RBM33: variants seen among roughly 807,000 people sequenced by gnomAD.
RBM33 encodes RNA-binding protein 33.
RBM33 carries 28 observed loss-of-function variants against 132.6 expected under a neutral mutation model. The observed-to-expected ratio is 0.21, with a 90% confidence interval of 0.16 to 0.29. RBM33 has a LOEUF of 0.29. RBM33 is among the 10% of genes least tolerant of loss of function. The pLI is 1.00. For missense variants in RBM33, 1,291 were observed against 1,518.5 expected (o/e 0.85, Z 2.49); for synonymous variants, 634 against 593.0 (o/e 1.07, Z -1.01).
At chr7:155,645,890 G>A (rs555061691) in intron 1 of RBM33, among the ~76,000 whole-genome samples, 100 of 152,288 alleles carry the variant, frequency 6.6e-4, no homozygotes, top group African/African-American at 2.4e-3. Flanking sequence ...TGGCCCAACT[G>A]TCAAAACGTT....
intron 2 of RBM33, among the ~76,000 whole-genome samples, chr7:155,671,387 C>G (rs1387610794): frequency 6.6e-6 from 1 of 152,178 alleles, no homozygotes; most frequent in Non-Finnish European, 1.5e-5. Context: ...ATTTCATGTC[C>G]TATCCTTGTT....
chr7:155,673,768 G>GCGCA (rs1554469952), intron 3 of RBM33, among the ~76,000 whole-genome samples: 2,546 of 132,966 alleles, frequency 0.019, 152 homozygotes, highest in African/African-American at 0.025. Flanking sequence ...GCGCATGCGC[G>GCGCA]CACACACACA....
At chr7:155,712,768 A>G (rs1200682450) in intron 8 of RBM33, among the ~76,000 whole-genome samples, 1 of 152,260 alleles carries the variant, frequency 6.6e-6, no homozygotes, top group Non-Finnish European at 1.5e-5. Flanking sequence ...TGATCAAAGC[A>G]GAGAAGAAAT....
chr7:155,646,205 G>A (rs1798188523), intron 1 of RBM33, among the ~76,000 whole-genome samples: 1 of 151,988 alleles, frequency 6.6e-6, no homozygotes, highest in African/African-American at 2.4e-5. Context: ...GTTTTCTAGA[G>A]GCTGAATAAC....
At chr7:155,709,452 T>G (rs1339318539) in intron 7 of RBM33, among the ~76,000 whole-genome samples, 1 of 152,226 alleles carries the variant, frequency 6.6e-6, no homozygotes, top group Non-Finnish European at 1.5e-5. Context: ...TTCCTCTTGC[T>G]GTCACCTACT....
chr7:155,764,009 G>C lies in RBM33; in HGVS notation c.3177G>C (p.Pro1059=). Residue 1059 remains proline (P), a synonymous_variant, in exon 15 of 18, where the codon CCG becomes CCC. Transcript: ENST00000401878. ...PGIKSIQGIH[P]AKKAIMHGRG... ...TCAAAAGCATCCAAGGAATTCACCC[G>C]GCGAAGAAGGTACTGCTTGTTGCCT... The C allele has an allele frequency of 6.5e-7, 1 of 1,544,424 alleles. No individual in the cohort carries two copies. Among genetic ancestry groups the C allele is most frequent in the Non-Finnish European group, 8.7e-7 (1 of 1,144,070 alleles).
chr7:155,734,609 A>G (rs1036756323), intron 9 of RBM33, among the ~76,000 whole-genome samples: 3 of 151,910 alleles, frequency 2.0e-5, no homozygotes, highest in South Asian at 2.1e-4. Flanking sequence ...TTTGATCCCT[A>G]TGTTTTTCAT....
chr7:155,712,858 TAG>T (rs1182260506), intron 8 of RBM33, among the ~76,000 whole-genome samples: 1 of 152,136 alleles, frequency 6.6e-6, no homozygotes, highest in African/African-American at 2.4e-5. Flanking sequence ...GGGCAGGGAT[TAG>T]AGGGGTTTGA....
At chr7:155,700,717 A>T (rs909710338) in intron 5 of RBM33, 56 bp from the exon 6 acceptor site, 1 of 1,240,216 alleles carries the variant, frequency 8.1e-7, no homozygotes, top group Admixed American at 2.7e-5. Context: ...TTAATATTTA[A>T]TTCAAAAGAA....
In RBM33 at chr7:155,777,914, T is replaced by G. The variant is rs1802674378; in HGVS notation, c.*2873T>G. ...ATCAGTATCTCATAAGGTAAACCAA[T>G]AGCTGATTATGTGGAGCCAAGTTAC... On this transcript the variant is annotated 3_prime_UTR_variant, in exon 18 of 18. Coordinates refer to ENST00000401878, the MANE Select transcript of RBM33 (RefSeq NM_053043.3). The G allele has an allele frequency of 6.5e-6, 1 of 152,676 alleles. No individual in the cohort carries two copies. The highest frequency in any genetic ancestry group is 1.5e-5 in the Non-Finnish European group (1 of 68,046). 9.5% of individuals were successfully genotyped at this position (152,676 alleles called of 1,614,324 possible). A position where few individuals can be genotyped will look rare whatever the true frequency, so the allele number is the denominator to read the frequency against.
chr7:155,688,092 T>G (rs906224764), intron 5 of RBM33, among the ~76,000 whole-genome samples: 15 of 152,218 alleles, frequency 9.9e-5, no homozygotes, highest in African/African-American at 3.1e-4. Flanking sequence ...ACGATATTAA[T>G]TCTTCCTATC....
At position 155,779,018 on chromosome 7, in the gene RBM33, G is replaced by A. The variant is rs1372835048; in HGVS notation, c.*3977G>A. The A allele has an allele frequency of 6.6e-6, 1 of 152,278 alleles. No homozygotes were observed. Among genetic ancestry groups the A allele is most frequent in the African/African-American group, 2.4e-5 (1 of 41,364 alleles). The allele number at this position is 152,278 out of a possible 1,614,324, so 9.4% of individuals were successfully genotyped here. ...CTGCCAGCTCTTAAGAAACATTCCT[G>A]GTGCGGTGTCTGCAGTGCCCTTTGT... On this transcript the variant is annotated 3_prime_UTR_variant, in exon 18 of 18. Coordinates refer to ENST00000401878, the MANE Select transcript of RBM33 (RefSeq NM_053043.3).
At position 155,644,798 on chromosome 7, in the gene RBM33, G is replaced by T. The variant is rs1159547930; in HGVS notation, c.-79G>T. The T allele has an allele frequency of 3.2e-6, 4 of 1,255,834 alleles. No individual in the cohort carries two copies. The highest frequency in any genetic ancestry group is 3.1e-5 in the East Asian group (1 of 32,272). The allele number at this position is 1,255,834 out of a possible 1,614,324, so 77.8% of individuals were successfully genotyped here. A position where few individuals can be genotyped will look rare whatever the true frequency, so the allele number is the denominator to read the frequency against. The stretch of plus-strand genomic sequence containing the variant: ...CTCCCTTCTCTGTCCTCCGTCACCC[G>T]TACCCGGGCCCGGACCAGGCACGTC... On this transcript the variant is annotated 5_prime_UTR_variant, in exon 1 of 18. Coordinates refer to ENST00000401878, the MANE Select transcript of RBM33 (RefSeq NM_053043.3).
rs1800136826 is a variant in RBM33, at chr7:155,707,038, T to C, written c.918T>C (p.Pro306=). The part of the protein sequence containing the change: ...TERGRMKDHR[P]ALLPTQPPVV... ...GGGGCAGGATGAAGGACCACAGACC[T>C]GCGCTGCTTCCTACACAGCCTCCTG... Residue 306 remains proline, a synonymous_variant, in exon 7 of 18, where the codon CCT becomes CCC. Coordinates refer to ENST00000401878, the MANE Select transcript of RBM33 (RefSeq NM_053043.3). 1.3e-6 allele frequency: 2 copies of C among 1,562,918 alleles called. No homozygotes were observed. The highest frequency in any genetic ancestry group is 2.4e-5 in the East Asian group (1 of 42,328).
chr7:155,749,231 C>G (rs1801619026), intron 14 of RBM33, among the ~76,000 whole-genome samples: 1 of 152,154 alleles, frequency 6.6e-6, no homozygotes, highest in African/African-American at 2.4e-5. Flanking sequence ...TTCCCATTTT[C>G]TTTGTAGAAT....
intron 14 of RBM33, among the ~76,000 whole-genome samples, chr7:155,761,015 G>A (rs1019841046): frequency 6.6e-5 from 10 of 152,208 alleles, no homozygotes; most frequent in African/African-American, 1.9e-4. Context: ...GTCATAGAGC[G>A]TTAGGTGGGA....
rs747408290 is a variant in RBM33, at chr7:155,718,372, G to A, written c.1202-13G>A. On this transcript the variant is annotated splice_polypyrimidine_tract_variant and intron_variant, in intron 8 of 17. Transcript: ENST00000401878. ...GTAAAGTGTGTCTCTAACACAAGGG[G>A]TTTTTCTTGCAGTGCCCTTGCTACC... The A allele has an allele frequency of 1.2e-6, 2 of 1,613,232 alleles. No individual in the cohort carries two copies. Among genetic ancestry groups the A allele is most frequent in the Non-Finnish European group, 8.5e-7 (1 of 1,179,370 alleles).
Position 155,707,037 on chromosome 7 carries a change from C to T in RBM33, c.917C>T (p.Pro306Leu). ...AGGGGCAGGATGAAGGACCACAGAC[C>T]TGCGCTGCTTCCTACACAGCCTCCT... is the stretch of plus-strand genomic sequence containing the variant. Reference protein sequence around the residue: ...TERGRMKDHRPALLPTQPPVV... With the variant: ...TERGRMKDHRLALLPTQPPVV... The change falls in exon 7 of 18, where the codon CCT becomes CTT. Residue 306 changes from proline (P) to leucine (L), a missense_variant. Physicochemically the swap from Pro to Leu is moderately conservative, Grantham distance 98 (BLOSUM62 -3). Coordinates refer to ENST00000401878, the MANE Select transcript of RBM33 (RefSeq NM_053043.3). 1.9e-6 allele frequency: 3 copies of T among 1,564,704 alleles called. No homozygotes were observed. The highest frequency in any genetic ancestry group is 2.6e-6 in the Non-Finnish European group (3 of 1,154,740).
chr7:155,770,127 G>T (rs1802369507), intron 16 of RBM33, among the ~76,000 whole-genome samples: 1 of 152,212 alleles, frequency 6.6e-6, no homozygotes. Context: ...CCCGGGATGT[G>T]CAGGAGAGCC....
Sources: gnomAD v4.1 joint callset for allele counts (sites outside exome capture counted in the v4.1 genomes callset) on GRCh38, gnomAD v4.1.1 for gene constraint, MANE v1.5 for transcripts, NCBI Gene and HGNC (gene_info 2026-07-23, HGNC 2026-07-21) for gene names.